The following IFT80 variants were observed in gnomAD, a reference collection of about 807,000 sequenced individuals.
IFT80 encodes the protein intraflagellar transport 80, also known as intraflagellar transport protein 80 homolog.
In IFT80, 79 loss-of-function variants were observed where a neutral mutation model predicts 107.9. The observed-to-expected ratio is 0.73, with a 90% CI of 0.61 to 0.88. The LOEUF is 0.88. Among genes scored for constraint, IFT80 ranks in the 40% least tolerant of loss-of-function variants. The pLI is 0.00. For missense variants in IFT80, 797 were observed against 914.2 expected (o/e 0.87, Z 1.65); for synonymous variants, 299 against 300.9 (o/e 0.99, Z 0.07).
At chr3:160,318,769 G>C (rs1400718978) in intron 9 of IFT80, among the ~76,000 whole-genome samples, 1 of 152,036 alleles carries the variant, frequency 6.6e-6, no homozygotes, top group African/African-American at 2.4e-5. Flanking sequence ...AATATTTTAA[G>C]CTAAAGGAAT....
Position 160,394,958 on chromosome 3 carries a change from C to T in IFT80, c.-47+4188G>A, listed in dbSNP as rs573408198. 3.5e-4 allele frequency among the ~76,000 whole-genome samples: 54 copies of T among 152,124 alleles called. No homozygotes were observed. In the South Asian group the frequency reaches 0.011, roughly 30 times the overall value. On this transcript the variant is annotated intron_variant, in intron 1 of 19. Coordinates refer to ENST00000326448, the MANE Select transcript of IFT80 (RefSeq NM_020800.3). ...TATGCAAGACACTTAATAATGGAGACCCCTAAAAGGGTGGGGGCACTGGGA... is the reference window on the plus strand; with the variant it reads ...TATGCAAGACACTTAATAATGGAGATCCCTAAAAGGGTGGGGGCACTGGGA...
chr3:160,390,300 C>T (rs1576909387), intron 1 of IFT80, among the ~76,000 whole-genome samples: 1 of 151,784 alleles, frequency 6.6e-6, no homozygotes, highest in African/African-American at 2.4e-5. Context: ...GCCTATAATC[C>T]CTGCTACTCA....
In IFT80 at chr3:160,303,318, G is replaced by C. The variant is rs140359660; in HGVS notation, c.1151+597C>G. On this transcript the variant is annotated intron_variant, in intron 11 of 19. Coordinates refer to ENST00000326448, the MANE Select transcript of IFT80 (RefSeq NM_020800.3). ...TGACAGTTTTCATGGAAAAGTGTAG[G>C]TTCTTGAGTAATAGCTATTCCTAAT... is the stretch of plus-strand genomic sequence containing the variant. Among the ~76,000 whole-genome samples, 640 of 152,276 alleles carry C rather than the reference G, an allele frequency of 4.2e-3. 7 individuals carry two copies. Among genetic ancestry groups the C allele is most frequent in the African/African-American group, 0.015 (606 of 41,558 alleles).
chr3:160,393,218 C>A (rs557459751), intron 1 of IFT80, among the ~76,000 whole-genome samples: 2 of 152,298 alleles, frequency 1.3e-5, no homozygotes, highest in Admixed American at 6.5e-5. Flanking sequence ...GTCAAACCAT[C>A]ATAGTCTGAG....
chr3:160,268,346 A>G, intron 19 of IFT80, 67 bp downstream of exon 19: 3 of 1,386,446 alleles, frequency 2.2e-6, no homozygotes, highest in Non-Finnish European at 3.0e-6. Flanking sequence ...ATTTTGTCTC[A>G]TTAGGATGAA....
intron 8 of IFT80, among the ~76,000 whole-genome samples, chr3:160,330,073 GGA>G (rs1159338995): frequency 1.3e-5 from 2 of 151,292 alleles, no homozygotes; most frequent in African/African-American, 4.9e-5. Context: ...TCTCTGGAGA[GGA>G]GAGACAGGAA....
rs1013549741 is a variant in IFT80 at position 160,272,087 on chromosome 3, T to C, written c.2100-3551A>G. 3.3e-5 allele frequency among the ~76,000 whole-genome samples: 5 copies of C among 152,212 alleles called. No individual in the cohort carries two copies. In the South Asian group the frequency reaches 1.0e-3, roughly 32 times the overall value. Reference sequence around the variant, plus strand: ...CCAATAATGTCCACACTATGGTAAATTCTATAGGTCCAGTTTCTTCAATGG... The same window carrying C: ...CCAATAATGTCCACACTATGGTAAACTCTATAGGTCCAGTTTCTTCAATGG... On this transcript the variant is annotated intron_variant, in intron 18 of 19. Coordinates refer to ENST00000326448, the MANE Select transcript of IFT80 (RefSeq NM_020800.3).
At position 160,384,550 on chromosome 3, in the gene IFT80, C is replaced by A. The variant is rs1014204808; in HGVS notation, c.37+14G>T. On this transcript the variant is annotated intron_variant, in intron 2 of 19. Coordinates refer to ENST00000326448, the MANE Select transcript of IFT80 (RefSeq NM_020800.3). ...AAGAAAATCCAATAAGATTTATAAG[C>A]ATTAAAAGGATATGCTTTGGTTCTT... is the stretch of plus-strand genomic sequence containing the variant. 1 of 1,451,866 alleles carries A rather than the reference C, an allele frequency of 6.9e-7. No individual in the cohort carries two copies. The highest frequency in any genetic ancestry group is 9.6e-7 in the Non-Finnish European group (1 of 1,041,450). The allele number at this position is 1,451,866 out of a possible 1,614,324, so 89.9% of individuals were successfully genotyped here.
At chr3:160,320,110 A>G (rs1349145215) in intron 8 of IFT80, 171 bp from the exon 9 acceptor site, 3 of 602,814 alleles carry the variant, frequency 5.0e-6, no homozygotes, top group African/African-American at 1.9e-5. Flanking sequence ...TACAGATGTA[A>G]TTGTTGAAGT....
intron 1 of IFT80, among the ~76,000 whole-genome samples, chr3:160,396,165 T>A (rs1485507173): frequency 2.6e-5 from 4 of 152,108 alleles, no homozygotes; most frequent in African/African-American, 9.7e-5. Flanking sequence ...AAAAAAGAGC[T>A]GTTCTGCCTT....
intron 19 of IFT80, among the ~76,000 whole-genome samples, chr3:160,266,220 A>G (rs1053949192): frequency 1.3e-5 from 2 of 152,070 alleles, no homozygotes; most frequent in African/African-American, 4.8e-5. Context: ...TCTTATGATT[A>G]AAGTATTATA....
chr3:160,258,772 G>T, intron 19 of IFT80, 137 bp from the exon 20 acceptor site: 1 of 1,154,226 alleles, frequency 8.7e-7, no homozygotes, highest in Non-Finnish European at 1.2e-6. Flanking sequence ...CAAAAGATTA[G>T]AGAAAAAGAG....
At position 160,277,362 on chromosome 3, in the gene IFT80, C is replaced by T; in HGVS notation, c.2043G>A (p.Gln681=). ...NIQEAEIVLL[Q]AGLVYQAIQI... is the part of the protein sequence containing the mutation. Reference sequence around the variant, plus strand: ...GGATTGCTTGATAAACAAGGCCAGCCTGAAGAAGTACTATTTCAGCCTCCT... The same window carrying T: ...GGATTGCTTGATAAACAAGGCCAGCTTGAAGAAGTACTATTTCAGCCTCCT... Residue 681 remains glutamine (Q), a synonymous_variant, in exon 18 of 20, where the codon CAG becomes CAA. Coordinates refer to ENST00000326448, the MANE Select transcript of IFT80 (RefSeq NM_020800.3). 6.2e-7 allele frequency: 1 copy of T among 1,613,670 alleles called. No homozygotes were observed. Among genetic ancestry groups the T allele is most frequent in the Non-Finnish European group, 8.5e-7 (1 of 1,179,876 alleles).
intron 6 of IFT80, among the ~76,000 whole-genome samples, chr3:160,363,837 C>T (rs1250126712): frequency 6.6e-6 from 1 of 152,162 alleles, no homozygotes. Context: ...CCCTTCCTTA[C>T]ACCTTATACA....
chr3:160,397,715 A>ATTTTT (rs1713897049), intron 1 of IFT80, among the ~76,000 whole-genome samples: 1 of 98,802 alleles, frequency 1.0e-5, no homozygotes, highest in Non-Finnish European at 2.0e-5. Context: ...TTTGGTCTAT[A>ATTTTT]CTTTTTTTTT....
At chr3:160,328,819 G>A (rs771910272) in intron 8 of IFT80, among the ~76,000 whole-genome samples, 6 of 152,168 alleles carry the variant, frequency 3.9e-5, no homozygotes, top group Non-Finnish European at 8.8e-5. Flanking sequence ...AAAGGAATGA[G>A]ATCATGTCCT....
chr3:160,319,444 T>C (rs996929738), intron 9 of IFT80, among the ~76,000 whole-genome samples: 1 of 151,906 alleles, frequency 6.6e-6, no homozygotes, highest in Admixed American at 6.6e-5. Flanking sequence ...GCTCCAGGAG[T>C]CAAATCCAAC....
intron 1 of IFT80, among the ~76,000 whole-genome samples, chr3:160,387,483 G>A (rs573562641): frequency 2.6e-5 from 4 of 152,264 alleles, no homozygotes; most frequent in Admixed American, 6.5e-5. Context: ...CAGCCTGGGC[G>A]TCAGAGTGAG....
intron 8 of IFT80, chr3:160,320,170 G>C: frequency 2.3e-6 from 1 of 441,508 alleles, no homozygotes. Context: ...CTCAAGAACT[G>C]TAAAAAACCC....
Sources: gnomAD v4.1 joint callset for allele counts (sites outside exome capture counted in the v4.1 genomes callset) on GRCh38, gnomAD v4.1.1 for gene constraint, MANE v1.5 for transcripts, NCBI Gene and HGNC (gene_info 2026-07-23, HGNC 2026-07-21) for gene names.